CALN1: variants seen among roughly 807,000 people sequenced by gnomAD.
CALN1 encodes the protein calneuron 1, also known as calcium-binding protein 8.
Under a neutral mutation model 30.6 loss-of-function variants are expected in CALN1, and 17 were observed. That is an observed-to-expected ratio of 0.56 (90% CI 0.38 to 0.83). The LOEUF is 0.83. Among genes scored for constraint, CALN1 ranks in the 40% least tolerant of loss-of-function variants. CALN1 has a pLI of 0.00. For missense variants in CALN1, 291 were observed against 354.9 expected (o/e 0.82, Z 1.45); for synonymous variants, 156 against 131.4 (o/e 1.19, Z -1.28).
At chr7:72,015,691 ACCTCTG>A (rs1466061241) in intron 5 of CALN1, among the ~76,000 whole-genome samples, 4 of 151,850 alleles carry the variant, frequency 2.6e-5, no homozygotes, top group African/African-American at 9.7e-5. Flanking sequence ...AGAGCCTCCC[ACCTCTG>A]CCTCCTAAAG....
At chr7:72,374,109 T>C (rs766795729) in intron 2 of CALN1, among the ~76,000 whole-genome samples, 1 of 152,128 alleles carries the variant, frequency 6.6e-6, no homozygotes. Flanking sequence ...TCTAAAACAA[T>C]TGCTAAACGA....
the CALN1 span, among the ~76,000 whole-genome samples, chr7:72,495,265 A>C: frequency 2.6e-5 from 4 of 152,104 alleles, no homozygotes; most frequent in Admixed American, 6.5e-5. Context: ...ATCTCTACCC[A>C]AATCCTCCTT....
At chr7:72,312,553 T>C (rs1452634068) in intron 2 of CALN1, among the ~76,000 whole-genome samples, 1 of 152,176 alleles carries the variant, frequency 6.6e-6, no homozygotes, top group Non-Finnish European at 1.5e-5. Context: ...GTGAGCCATG[T>C]ATACCTAGAG....
chr7:72,372,004 T>C (rs977322367), intron 2 of CALN1, among the ~76,000 whole-genome samples: 79 of 152,180 alleles, frequency 5.2e-4, no homozygotes, highest in African/African-American at 1.7e-3. Flanking sequence ...ATTTCCTCCT[T>C]CTGGCATTTC....
At chr7:72,454,931 A>C in the CALN1 span, among the ~76,000 whole-genome samples, 53 of 151,728 alleles carry the variant, frequency 3.5e-4, no homozygotes, top group African/African-American at 1.1e-3. Context: ...TCCCGGGTTC[A>C]AGTGATTCTC....
intron 4 of CALN1, among the ~76,000 whole-genome samples, chr7:72,089,635 C>A (rs971959372): frequency 6.6e-6 from 1 of 151,914 alleles, no homozygotes; most frequent in Non-Finnish European, 1.5e-5. Context: ...GTGACCACTG[C>A]GCATAAAGAT....
chr7:71,815,721 CCTTT>C (rs1164878619), intron 5 of CALN1, among the ~76,000 whole-genome samples: 2 of 151,340 alleles, frequency 1.3e-5, no homozygotes, highest in Non-Finnish European at 2.9e-5. Context: ...TTCCATCCTT[CCTTT>C]CTTCCTTCCT....
At chr7:72,355,882 C>T (rs6944487) in intron 2 of CALN1, among the ~76,000 whole-genome samples, 2,122 of 152,182 alleles carry the variant, frequency 0.014, 62 homozygotes, top group African/African-American at 0.048. Context: ...TTTTGTCAAA[C>T]TCATCAAAGT....
intron 2 of CALN1, among the ~76,000 whole-genome samples, chr7:72,311,651 ATTTTTTTTTTT>A (rs56197069): frequency 8.3e-5 from 4 of 48,470 alleles, no homozygotes; most frequent in Admixed American, 3.0e-4. Flanking sequence ...CCTGGCTGAG[ATTTTTTTTTTT>A]TTTTTTTTTT....
At chr7:72,286,809 G>A (rs891825343) in intron 2 of CALN1, among the ~76,000 whole-genome samples, 1 of 152,156 alleles carries the variant, frequency 6.6e-6, no homozygotes, top group Non-Finnish European at 1.5e-5. Context: ...GAACTTTCAA[G>A]AAGAAGTACA....
the CALN1 span, among the ~76,000 whole-genome samples, chr7:72,501,361 C>T: frequency 1.2e-5 from 1 of 84,258 alleles, no homozygotes. Flanking sequence ...AGTGAGGCCA[C>T]GTCTCTATTA....
At chr7:72,103,566 C>A (rs1207445909) in intron 4 of CALN1, among the ~76,000 whole-genome samples, 4 of 152,100 alleles carry the variant, frequency 2.6e-5, no homozygotes, top group African/African-American at 7.2e-5. Context: ...AGATGTTAAC[C>A]AACTTGGGAT....
At chr7:72,199,358 T>C (rs1791254762) in intron 3 of CALN1, among the ~76,000 whole-genome samples, 1 of 152,122 alleles carries the variant, frequency 6.6e-6, no homozygotes, top group South Asian at 2.1e-4. Flanking sequence ...AATCCAAAAA[T>C]ACAGAACCTC....
the CALN1 span, among the ~76,000 whole-genome samples, chr7:72,491,576 G>GA: frequency 6.6e-6 from 1 of 152,052 alleles, no homozygotes. Flanking sequence ...CTCAAAAAGA[G>GA]AAAAAAATGG....
chr7:71,862,081 C>A (rs1791319597), intron 5 of CALN1, among the ~76,000 whole-genome samples: 1 of 152,122 alleles, frequency 6.6e-6, no homozygotes, highest in South Asian at 2.1e-4. Context: ...TTCCTTGACC[C>A]TTTTGCGCTG....
chr7:71,832,348 G>A (rs1789338081), intron 5 of CALN1, among the ~76,000 whole-genome samples: 1 of 152,194 alleles, frequency 6.6e-6, no homozygotes, highest in Admixed American at 6.6e-5. Context: ...TTCTGATGGG[G>A]TTTTGAAGGG....
chr7:72,093,721 G>T (rs998893170), intron 4 of CALN1, among the ~76,000 whole-genome samples: 1 of 152,138 alleles, frequency 6.6e-6, no homozygotes, highest in Non-Finnish European at 1.5e-5. Context: ...TCAAGTCACA[G>T]AGAACTAGAT....
the CALN1 span, among the ~76,000 whole-genome samples, chr7:72,458,211 TTATAATATATTA>T: frequency 2.0e-3 from 224 of 111,626 alleles, 12 homozygotes; most frequent in Non-Finnish European, 3.2e-3. Context: ...ATAATATATT[TTATAATATATTA>T]TATAATATAT....
intron 2 of CALN1, among the ~76,000 whole-genome samples, chr7:72,351,825 T>C: frequency 6.6e-6 from 1 of 152,244 alleles, no homozygotes; most frequent in East Asian, 1.9e-4. Flanking sequence ...TACACCTAAA[T>C]ATATTGTGAA....
Sources: gnomAD v4.1 joint callset for allele counts (sites outside exome capture counted in the v4.1 genomes callset) on GRCh38, gnomAD v4.1.1 for gene constraint, MANE v1.5 for transcripts, NCBI Gene and HGNC (gene_info 2026-07-23, HGNC 2026-07-21) for gene names.